Variants in N4BP2L1 observed in about 807,000 individuals in gnomAD.
N4BP2L1 encodes NEDD4-binding protein 2-like 1.
N4BP2L1 carries 12 observed loss-of-function variants against 21.2 expected under a neutral mutation model. The ratio of observed to expected loss-of-function variants is 0.57; its 90% confidence interval spans 0.36 to 0.92. The LOEUF (loss-of-function observed/expected upper bound fraction) is 0.92. Ranked by LOEUF, N4BP2L1 falls within the 40% of genes least tolerant of loss-of-function variation. The pLI is 0.01. For synonymous variants in N4BP2L1, 104 were observed against 112.8 expected (o/e 0.92, Z 0.49); for missense variants, 259 against 310.6 (o/e 0.83, Z 1.25).
At chr13:32,412,096 T>C (rs1216800644) in intron 1 of N4BP2L1, among the ~76,000 whole-genome samples, 1 of 152,052 alleles carries the variant, frequency 6.6e-6, no homozygotes, top group Admixed American at 6.6e-5. Context: ...GATCCCCACA[T>C]TGTATTTGGT....
chr13:32,402,628 ATAAACACTT>A lies in N4BP2L1; in HGVS notation c.*305_*313del. 9.3e-7 allele frequency: 1 copy of A among 1,074,594 alleles called. No individual in the cohort carries two copies. Among genetic ancestry groups the A allele is most frequent in the Non-Finnish European group, 1.1e-6 (1 of 885,290 alleles). The allele number at this position is 1,074,594 out of a possible 1,614,324, so 66.6% of individuals were successfully genotyped here. The stretch of plus-strand genomic sequence containing the variant: ...AATGGTACTGAAGCTTATATATAAT[ATAAACACTT>A]TATTTCATCTATGAACCTATGTAAA... On this transcript the variant is annotated 3_prime_UTR_variant, in exon 5 of 5. Coordinates refer to ENST00000380130, the MANE Select transcript of N4BP2L1 (RefSeq NM_052818.3).
chr13:32,406,186 G>C (rs1173912726), intron 3 of N4BP2L1, among the ~76,000 whole-genome samples: 1 of 151,994 alleles, frequency 6.6e-6, no homozygotes, highest in Admixed American at 6.6e-5. Flanking sequence ...TGGGATTACA[G>C]GCATGAGCCA....
At chr13:32,415,223 G>A (rs1039362603) in intron 1 of N4BP2L1, among the ~76,000 whole-genome samples, 1 of 152,096 alleles carries the variant, frequency 6.6e-6, no homozygotes, top group South Asian at 2.1e-4. Flanking sequence ...GCCACTGCAG[G>A]GCCAGGCTGC....
chr13:32,415,150 G>A (rs904022930), intron 1 of N4BP2L1, among the ~76,000 whole-genome samples: 6 of 152,154 alleles, frequency 3.9e-5, no homozygotes, highest in African/African-American at 1.4e-4. Context: ...TGATCAACAT[G>A]GACCCAGGAG....
intron 1 of N4BP2L1, among the ~76,000 whole-genome samples, chr13:32,414,811 A>C (rs562361287): frequency 3.3e-5 from 5 of 152,280 alleles, no homozygotes; most frequent in Non-Finnish European, 5.9e-5. Context: ...TACCGTTTGC[A>C]TGTGGGGCTG....
intron 3 of N4BP2L1, 22 bp downstream of exon 3, chr13:32,407,228 T>A (rs1460628859): frequency 6.2e-7 from 1 of 1,609,806 alleles, no homozygotes; most frequent in South Asian, 1.1e-5. Flanking sequence ...AACTGAAAAT[T>A]CAGAATGATA....
In N4BP2L1 at chr13:32,411,713, A is replaced by G. The variant is rs56158230; in HGVS notation, c.180-3941T>C. On this transcript the variant is annotated intron_variant, in intron 1 of 4. Coordinates refer to ENST00000380130, the MANE Select transcript of N4BP2L1 (RefSeq NM_052818.3). ...CAAATTCATTTAAAATCACTATTATAAGAGAAACTCAGGGGCTAATCTTGA... is the reference window on the plus strand; with the variant it reads ...CAAATTCATTTAAAATCACTATTATGAGAGAAACTCAGGGGCTAATCTTGA... 5.0e-4 allele frequency: 493 copies of G among 984,402 alleles called. 2 individuals carry two copies. The African/African-American group carries it at 7.8e-3, about 16-fold the overall frequency. The allele number at this position is 984,402 out of a possible 1,614,324, so 61.0% of individuals were successfully genotyped here.
intron 1 of N4BP2L1, among the ~76,000 whole-genome samples, chr13:32,413,307 C>G (rs1288277219): frequency 6.6e-6 from 1 of 152,152 alleles, no homozygotes; most frequent in Non-Finnish European, 1.5e-5. Flanking sequence ...AAGTACTGCA[C>G]TTGGTTATTA....
At chr13:32,414,928 A>C (rs552899314) in intron 1 of N4BP2L1, among the ~76,000 whole-genome samples, 34 of 152,338 alleles carry the variant, frequency 2.2e-4, no homozygotes, top group African/African-American at 8.2e-4. Context: ...TATGAAAGAC[A>C]ACAGGCTAGA....
intron 1 of N4BP2L1, among the ~76,000 whole-genome samples, chr13:32,421,071 T>A (rs535995412): frequency 6.6e-6 from 1 of 152,222 alleles, no homozygotes; most frequent in Non-Finnish European, 1.5e-5. Context: ...CATGCTGACA[T>A]CCAAGCTTCC....
chr13:32,427,723 C>T (rs896452470), intron 1 of N4BP2L1, among the ~76,000 whole-genome samples, 181 bp downstream of exon 1: 3 of 151,820 alleles, frequency 2.0e-5, no homozygotes, highest in African/African-American at 2.4e-5. Flanking sequence ...TCGAGGGAGG[C>T]GGCTCGGGCT....
At chr13:32,422,237 T>C (rs1840708626) in intron 1 of N4BP2L1, among the ~76,000 whole-genome samples, 1 of 152,146 alleles carries the variant, frequency 6.6e-6, no homozygotes, top group South Asian at 2.1e-4. Context: ...AAATCCAGGT[T>C]AACTTAGCCC....
chr13:32,410,010 C>T (rs147905174), intron 1 of N4BP2L1, among the ~76,000 whole-genome samples: 2 of 152,300 alleles, frequency 1.3e-5, no homozygotes, highest in African/African-American at 4.8e-5. Flanking sequence ...CAAAGATCAT[C>T]GGAGACATGC....
rs377417807 is a variant in N4BP2L1, at chr13:32,415,990, C to G, written c.180-8218G>C. On this transcript the variant is annotated intron_variant, in intron 1 of 4. Coordinates refer to ENST00000380130, the MANE Select transcript of N4BP2L1 (RefSeq NM_052818.3). ...CACATAAGGTCCACAAGGGCAGGAT[C>G]TTTGTTTTGTTCACTGATGATTCCC... 14 of 152,332 alleles carry G rather than the reference C, an allele frequency of 9.2e-5. No homozygotes were observed. In the South Asian group the frequency reaches 2.9e-3, roughly 32 times the overall value. 9.4% of individuals were successfully genotyped at this position (152,332 alleles called of 1,614,324 possible).
At chr13:32,426,811 A>G (rs1217573918) in intron 1 of N4BP2L1, among the ~76,000 whole-genome samples, 2 of 152,184 alleles carry the variant, frequency 1.3e-5, no homozygotes, top group Admixed American at 1.3e-4. Flanking sequence ...CAAGAAACTT[A>G]CAGAAGGATA....
rs1318855360 is a variant in N4BP2L1, at chr13:32,402,530, A to C, written c.*412T>G. The C allele has an allele frequency of 3.5e-6, 2 of 575,908 alleles. No individual in the cohort carries two copies. The highest frequency in any genetic ancestry group is 5.5e-5 in the African/African-American group (2 of 36,406). The allele number at this position is 575,908 out of a possible 1,614,324, so 35.7% of individuals were successfully genotyped here. On this transcript the variant is annotated 3_prime_UTR_variant, in exon 5 of 5. Transcript: ENST00000380130. ...TGATAAGTAGCAATGCCCCCCCACCACTTCTCTCCACCTTCCCAACTTTAC... is the reference window on the plus strand; with the variant it reads ...TGATAAGTAGCAATGCCCCCCCACCCCTTCTCTCCACCTTCCCAACTTTAC...
At chr13:32,415,842 C>T (rs2074107413) in intron 1 of N4BP2L1, 1 of 152,230 alleles carries the variant, frequency 6.6e-6, no homozygotes, top group Non-Finnish European at 1.5e-5. Flanking sequence ...CCAACCCCCA[C>T]TTTAACTCTG....
At chr13:32,404,185 T>C (rs1169458028) in intron 4 of N4BP2L1, 136 bp downstream of exon 4, 4 of 1,611,610 alleles carry the variant, frequency 2.5e-6, no homozygotes, top group East Asian at 2.2e-5. Context: ...TCCAAAGTTA[T>C]CAATTTCCAA....
At chr13:32,419,239 CTTTTTTTTT>C (rs34280009) in intron 1 of N4BP2L1, among the ~76,000 whole-genome samples, 1 of 61,304 alleles carries the variant, frequency 1.6e-5, no homozygotes, top group African/African-American at 7.7e-5. Context: ...CAAGATCTGG[CTTTTTTTTT>C]TTTTTTTTTT....
Sources: gnomAD v4.1 joint callset for allele counts (sites outside exome capture counted in the v4.1 genomes callset) on GRCh38, gnomAD v4.1.1 for gene constraint, MANE v1.5 for transcripts, NCBI Gene and HGNC (gene_info 2026-07-23, HGNC 2026-07-21) for gene names.